ZYG11A: variants seen among roughly 807,000 people sequenced by gnomAD.
ZYG11A encodes zyg-11 family member A, cell cycle regulator, also known as protein zyg-11 homolog A.
In ZYG11A, 62 loss-of-function variants were observed where a neutral mutation model predicts 77.2. The observed-to-expected ratio is 0.80, with a 90% CI of 0.65 to 0.99. The LOEUF (loss-of-function observed/expected upper bound fraction) is 0.99. Among genes scored for constraint, ZYG11A ranks in the 50% least tolerant of loss-of-function variants. The pLI, the probability that ZYG11A is intolerant of heterozygous loss-of-function variation, is 0.00. For missense variants in ZYG11A, 828 were observed against 896.8 expected, an observed-to-expected ratio of 0.92 and a Z score of 0.98; for synonymous variants, 315 against 324.6, an observed-to-expected ratio of 0.97 and a Z score of 0.32.
At chr1:52,870,918 A>G (rs1027345665) in intron 8 of ZYG11A, among the ~76,000 whole-genome samples, 11 of 151,998 alleles carry the variant, frequency 7.2e-5, no homozygotes, top group African/African-American at 2.7e-4. Context: ...GGATTTTTTT[A>G]TACATTAAGG....
At chr1:52,867,839 TAA>T in intron 8 of ZYG11A, 62 bp downstream of exon 8, 4 of 1,302,644 alleles carry the variant, frequency 3.1e-6, no homozygotes, top group Non-Finnish European at 4.2e-6. Flanking sequence ...GATTATAGCT[TAA>T]AAAAAAAATC....
rs1646463036 is a variant in ZYG11A, at chr1:52,886,937, G to GTACTTTT, written c.2007-17_2007-11dup. The GTACTTTT allele has an allele frequency of 7.3e-7, 1 of 1,371,552 alleles. No homozygotes were observed. The highest frequency in any genetic ancestry group is 1.4e-5 in the African/African-American group (1 of 69,358). 85.0% of individuals were successfully genotyped at this position (1,371,552 alleles called of 1,614,324 possible). On this transcript the variant is annotated intron_variant, in intron 12 of 13. Transcript: ENST00000371528. The stretch of plus-strand genomic sequence containing the variant: ...CTAACTGTTCTGGATTAACATCTTT[G>GTACTTTT]TACTTTTTTTTGTTTTAGATCTTTC...
intron 4 of ZYG11A, 27 bp downstream of exon 4, chr1:52,860,898 A>C: frequency 6.5e-7 from 1 of 1,543,914 alleles, no homozygotes; most frequent in Non-Finnish European, 8.8e-7. Flanking sequence ...AATTTTTACT[A>C]TTACTTCTTA....
chr1:52,892,583 C>T (rs566225207), intron 13 of ZYG11A, among the ~76,000 whole-genome samples, 199 bp from the exon 14 acceptor site: 2 of 151,992 alleles, frequency 1.3e-5, no homozygotes, highest in South Asian at 4.2e-4. Context: ...AGTAAACATA[C>T]TAAAATGAGC....
chr1:52,877,236 C>T (rs550974185), intron 8 of ZYG11A, among the ~76,000 whole-genome samples: 2 of 152,176 alleles, frequency 1.3e-5, no homozygotes, highest in Non-Finnish European at 2.9e-5. Flanking sequence ...CCCTCTCCTA[C>T]CCTTCCTAAA....
intron 1 of ZYG11A, among the ~76,000 whole-genome samples, chr1:52,844,675 C>G (rs1645528349): frequency 6.6e-6 from 1 of 151,762 alleles, no homozygotes; most frequent in Non-Finnish European, 1.5e-5. Context: ...TAAATTTGTT[C>G]CTGTTCTTGA....
At chr1:52,868,302 T>C (rs1646068213) in intron 8 of ZYG11A, among the ~76,000 whole-genome samples, 1 of 152,098 alleles carries the variant, frequency 6.6e-6, no homozygotes, top group Non-Finnish European at 1.5e-5. Context: ...TATACTGTAG[T>C]TTCTTGATTG....
intron 3 of ZYG11A, among the ~76,000 whole-genome samples, chr1:52,859,165 G>A (rs1645874612): frequency 6.6e-6 from 1 of 151,532 alleles, no homozygotes. Context: ...TGTGAGCTGA[G>A]ATCCCCAAAT....
intron 5 of ZYG11A, among the ~76,000 whole-genome samples, chr1:52,865,600 A>G (rs1377721464): frequency 6.6e-6 from 1 of 152,230 alleles, no homozygotes; most frequent in Non-Finnish European, 1.5e-5. Context: ...AAGCATTGTA[A>G]TAAATCTATT....
chr1:52,850,897 TGTTA>T lies in ZYG11A; in HGVS notation c.91-3562_91-3559del, dbSNP rs567877078. 1.4e-4 allele frequency among the ~76,000 whole-genome samples: 22 copies of T among 152,346 alleles called. 1 individual carries two copies. The highest frequency in any genetic ancestry group is 6.8e-3 in the Middle Eastern group (2 of 294). On this transcript the variant is annotated intron_variant, in intron 1 of 13. Coordinates refer to ENST00000371528, the MANE Select transcript of ZYG11A (RefSeq NM_001004339.3). ...ATAATAGCCATTTTAAATTCCTGTCTGTTAGTTAGGTTATTTCAGTTATTTTGGG... is the reference window on the plus strand; with the variant it reads ...ATAATAGCCATTTTAAATTCCTGTCTGTTAGGTTATTTCAGTTATTTTGGG...
chr1:52,855,827 T>G (rs1416333190), intron 2 of ZYG11A, among the ~76,000 whole-genome samples: 1 of 152,234 alleles, frequency 6.6e-6, no homozygotes, highest in Non-Finnish European at 1.5e-5. Flanking sequence ...ATTTGTGGTG[T>G]TCTCACTTTT....
intron 8 of ZYG11A, among the ~76,000 whole-genome samples, chr1:52,874,280 G>C (rs1218595597): frequency 1.3e-5 from 2 of 151,948 alleles, no homozygotes; most frequent in Non-Finnish European, 2.9e-5. Context: ...GTCTTTCTCT[G>C]TTGCCCAGGC....
chr1:52,881,982 C>T (rs537748752), intron 11 of ZYG11A, among the ~76,000 whole-genome samples: 1 of 151,794 alleles, frequency 6.6e-6, no homozygotes, highest in African/African-American at 2.4e-5. Flanking sequence ...GCAGCCTCAA[C>T]CTCGGAGGCT....
intron 3 of ZYG11A, among the ~76,000 whole-genome samples, chr1:52,859,487 C>G (rs999039748): frequency 3.3e-5 from 5 of 151,596 alleles, no homozygotes; most frequent in East Asian, 1.9e-4. Flanking sequence ...AGGCACCCAC[C>G]ACCACGCCTG....
Position 52,881,685 on chromosome 1 carries a change from A to G in ZYG11A, c.1944+20A>G. The stretch of plus-strand genomic sequence containing the variant: ...GATCTGGTACAGGAACCACATTCTT[A>G]TTTATAAAATCCAGAGTAATCTCTA... On this transcript the variant is annotated intron_variant, in intron 11 of 13. Transcript: ENST00000371528. 1 of 1,510,444 alleles carries G rather than the reference A, an allele frequency of 6.6e-7. No homozygotes were observed. Among genetic ancestry groups the G allele is most frequent in the Non-Finnish European group, 8.9e-7 (1 of 1,119,228 alleles). 93.6% of individuals were successfully genotyped at this position (1,510,444 alleles called of 1,614,324 possible).
chr1:52,857,659 T>C lies in ZYG11A; in HGVS notation c.918T>C (p.Phe306=). 1.3e-6 allele frequency: 2 copies of C among 1,552,222 alleles called. No homozygotes were observed. Among genetic ancestry groups the C allele is most frequent in the Non-Finnish European group, 1.7e-6 (2 of 1,147,094 alleles). The change falls in exon 3 of 14, where the codon TTT becomes TTC. Residue 306 remains phenylalanine, a synonymous_variant. Transcript: ENST00000371528. The stretch of plus-strand genomic sequence containing the variant: ...TCACTGATGAAGCTGTAGAACTGTT[T>C]ATACGACTGCGGCCTGCCATGCAAT... ...NCITDEAVEL[F]IRLRPAMQFV... is the part of the protein sequence containing the mutation.
intron 8 of ZYG11A, among the ~76,000 whole-genome samples, chr1:52,872,864 C>T (rs1571867014): frequency 2.6e-5 from 3 of 115,260 alleles, no homozygotes; most frequent in African/African-American, 3.4e-5. Context: ...GCATGGATGA[C>T]AGAGTGAGAC....
At chr1:52,867,512 G>T (rs778801202) in intron 6 of ZYG11A, 27 bp from the exon 7 acceptor site, 16 of 1,449,402 alleles carry the variant, frequency 1.1e-5, no homozygotes, top group Non-Finnish European at 9.5e-7. Context: ...ATATATAATT[G>T]TGAGAAAAAT....
At chr1:52,888,514 C>T (rs2150023567) in intron 13 of ZYG11A, among the ~76,000 whole-genome samples, 1 of 152,250 alleles carries the variant, frequency 6.6e-6, no homozygotes, top group African/African-American at 2.4e-5. Context: ...CCCACCACCA[C>T]ACCTGGCTAA....
Sources: gnomAD v4.1 joint callset for allele counts (sites outside exome capture counted in the v4.1 genomes callset) on GRCh38, gnomAD v4.1.1 for gene constraint, MANE v1.5 for transcripts, NCBI Gene and HGNC (gene_info 2026-07-23, HGNC 2026-07-21) for gene names.